The following PSG5 variants were observed in gnomAD, a reference collection of about 807,000 sequenced individuals.
PSG5 encodes the protein pregnancy-specific beta-1-glycoprotein 5.
A neutral mutation model predicts 37.7 loss-of-function variants in PSG5; 53 were observed. That is an observed-to-expected ratio of 1.41 (90% CI 1.13 to 1.77). PSG5 has a LOEUF of 1.77. Among genes scored for constraint, PSG5 ranks in the 40% most tolerant of loss-of-function variants. PSG5 has a pLI of 0.00. For missense variants in PSG5, 547 were observed against 405.2 expected (o/e 1.35, Z -3.00); for synonymous variants, 221 against 155.4 (o/e 1.42, Z -3.14).
chr19:43,169,738 T>C (rs746266053), intron 5 of PSG5, among the ~76,000 whole-genome samples: 1 of 151,654 alleles, frequency 6.6e-6, no homozygotes, highest in Non-Finnish European at 1.5e-5. Context: ...TTGAGCTTTA[T>C]GGGAGTGTAG....
rs1230986225 is a variant in PSG5 at position 43,175,507 on chromosome 19, C to T, written c.710-38G>A. The T allele has an allele frequency of 1.2e-5, 19 of 1,575,062 alleles. 1 individual carries two copies. The highest frequency in any genetic ancestry group is 1.6e-5 in the Non-Finnish European group (18 of 1,161,126). ...GAATGAAGCCACAGGTGATGTCATCCAAGGGAAGGGGATGCTCCTGGTCTC... is the reference window on the plus strand; with the variant it reads ...GAATGAAGCCACAGGTGATGTCATCTAAGGGAAGGGGATGCTCCTGGTCTC... On this transcript the variant is annotated intron_variant, in intron 3 of 5. Coordinates refer to ENST00000342951, the MANE Select transcript of PSG5 (RefSeq NM_002781.4).
intron 2 of PSG5, among the ~76,000 whole-genome samples, chr19:43,176,664 C>G: frequency 6.6e-6 from 1 of 150,962 alleles, no homozygotes; most frequent in Non-Finnish European, 1.5e-5. Context: ...GATGTTTCAG[C>G]AGAAATAACA....
rs569306702 is a variant in PSG5 at position 43,181,114 on chromosome 19, T to C, written c.430+3668A>G. 1.4e-4 allele frequency among the ~76,000 whole-genome samples: 21 copies of C among 151,632 alleles called. 1 individual carries two copies. Among genetic ancestry groups the C allele is most frequent in the African/African-American group, 4.9e-4 (20 of 41,204 alleles). On this transcript the variant is annotated intron_variant, in intron 2 of 5. Coordinates refer to ENST00000342951, the MANE Select transcript of PSG5 (RefSeq NM_002781.4). ...CACGTAGAACTCCAACTTATGAAAA[T>C]GGCATCATCATGAGGAAACAGTTTT...
At chr19:43,181,001 C>T (rs1189882436) in intron 2 of PSG5, among the ~76,000 whole-genome samples, 1 of 151,680 alleles carries the variant, frequency 6.6e-6, no homozygotes, top group Non-Finnish European at 1.5e-5. Context: ...TTCATTTTCT[C>T]TTAAGCTCAC....
intron 2 of PSG5, among the ~76,000 whole-genome samples, chr19:43,177,120 C>T (rs182063033): frequency 4.0e-5 from 6 of 151,618 alleles, no homozygotes; most frequent in Admixed American, 1.3e-4. Context: ...TCCATGGATT[C>T]GACTACTCTA....
At position 43,184,784 on chromosome 19, in the gene PSG5, T is replaced by C. The variant is rs1403951409; in HGVS notation, c.428A>G (p.Tyr143Cys). 1.9e-6 allele frequency: 3 copies of C among 1,612,092 alleles called. 1 individual carries two copies. The highest frequency in any genetic ancestry group is 1.7e-5 in the Admixed American group (1 of 59,856). ...GVTGYFTFNL[Y>C]LKLPKPYITI... ...AGGGATCATGTGGAATCACTCACGG[T>C]ATAAGTTGAAGGTGAAATATCCAGT... Residue 143 changes from tyrosine (Y) to cysteine (C), a missense_variant and splice_region_variant, in exon 2 of 6, where the codon TAC becomes TGC. By Grantham distance (194) the Tyr-to-Cys change is radical. Coordinates refer to ENST00000342951, the MANE Select transcript of PSG5 (RefSeq NM_002781.4).
intron 4 of PSG5, among the ~76,000 whole-genome samples, chr19:43,172,381 G>T (rs1968925133): frequency 3.3e-5 from 5 of 151,494 alleles, no homozygotes. Context: ...GTATTGAAAG[G>T]TCTAGTCAGA....
chr19:43,172,330 C>A (rs60280875), intron 4 of PSG5, among the ~76,000 whole-genome samples: 2 of 151,596 alleles, frequency 1.3e-5, no homozygotes, highest in Non-Finnish European at 2.9e-5. Flanking sequence ...TGAGCAGGAA[C>A]AAGACAAGGA....
intron 2 of PSG5, chr19:43,183,346 A>T: frequency 6.0e-6 from 3 of 502,084 alleles, no homozygotes; most frequent in Non-Finnish European, 8.0e-6. Context: ...ACCTCCTAGG[A>T]TTCTGCATCC....
At chr19:43,179,984 T>G (rs929402405) in intron 2 of PSG5, among the ~76,000 whole-genome samples, 16 of 151,830 alleles carry the variant, frequency 1.1e-4, no homozygotes, top group East Asian at 3.9e-4. Context: ...GCACTGACTG[T>G]TGGAAAGGGT....
chr19:43,171,706 A>G (rs531848971), intron 4 of PSG5, among the ~76,000 whole-genome samples: 4 of 151,672 alleles, frequency 2.6e-5, no homozygotes, highest in Non-Finnish European at 5.9e-5. Context: ...ATGGTGGGTC[A>G]TGTTTTAATC....
intron 2 of PSG5, chr19:43,178,999 T>C: frequency 4.3e-6 from 7 of 1,612,770 alleles, no homozygotes; most frequent in Non-Finnish European, 5.9e-6. Context: ...CTGTTGGTTT[T>C]GGACAGCTGC....
At chr19:43,180,094 C>A (rs1422583083) in intron 2 of PSG5, among the ~76,000 whole-genome samples, 1 of 151,694 alleles carries the variant, frequency 6.6e-6, no homozygotes, top group Non-Finnish European at 1.5e-5. Context: ...TACTTTCTCT[C>A]ATTAGACATT....
chr19:43,185,266 AAAC>A, intron 1 of PSG5, 119 bp from the exon 2 acceptor site: 1 of 1,287,486 alleles, frequency 7.8e-7, no homozygotes, highest in Non-Finnish European at 1.1e-6. Context: ...ACACACACAC[AAAC>A]ACACACACAC....
chr19:43,185,511 C>A (rs1966917363), intron 1 of PSG5, among the ~76,000 whole-genome samples: 1 of 150,692 alleles, frequency 6.6e-6, no homozygotes, highest in Non-Finnish European at 1.5e-5. Context: ...CCTTCAGAGA[C>A]CCTGGGTCTT....
intron 4 of PSG5, among the ~76,000 whole-genome samples, chr19:43,173,400 C>G (rs928822216): frequency 6.6e-6 from 1 of 151,382 alleles, no homozygotes; most frequent in African/African-American, 2.4e-5. Flanking sequence ...AGAACATTAT[C>G]AAGAAAGTAA....
chr19:43,172,758 T>C (rs1167488993), intron 4 of PSG5, among the ~76,000 whole-genome samples: 1 of 151,706 alleles, frequency 6.6e-6, no homozygotes, highest in Non-Finnish European at 1.5e-5. Flanking sequence ...AAAGACATTT[T>C]GTGTTCATGA....
At chr19:43,168,880 T>C (rs1968844486) in intron 5 of PSG5, among the ~76,000 whole-genome samples, 2 of 151,662 alleles carry the variant, frequency 1.3e-5, no homozygotes, top group African/African-American at 2.4e-5. Flanking sequence ...TTATGTATGT[T>C]GAAAAAGGTC....
At chr19:43,172,807 C>G (rs1968932066) in intron 4 of PSG5, among the ~76,000 whole-genome samples, 1 of 151,498 alleles carries the variant, frequency 6.6e-6, no homozygotes, top group Non-Finnish European at 1.5e-5. Context: ...CAGTGCTGCC[C>G]AAAGTGAGCT....
Sources: allele counts gnomAD v4.1 joint callset (sites outside exome capture counted in the v4.1 genomes callset), GRCh38; gene constraint gnomAD v4.1.1; transcripts MANE v1.5; gene names NCBI Gene and HGNC (gene_info 2026-07-23, HGNC 2026-07-21).